The following ADAMTS18 variants were observed in gnomAD, a reference collection of about 807,000 sequenced individuals.
The protein encoded by ADAMTS18 is A disintegrin and metalloproteinase with thrombospondin motifs 18.
In ADAMTS18, 157 loss-of-function variants were observed where a neutral mutation model predicts 165.9. The observed-to-expected ratio is 0.95, with a 90% CI of 0.83 to 1.08. The LOEUF (loss-of-function observed/expected upper bound fraction) is 1.08, where lower values mean the gene tolerates loss of function less well. ADAMTS18 is among the 50% of genes least tolerant of loss of function. ADAMTS18 has a pLI of 0.00. For missense variants in ADAMTS18, 2,040 were observed against 1,534.0 expected, an observed-to-expected ratio of 1.33 and a Z score of -5.51; for synonymous variants, 782 against 578.2, an observed-to-expected ratio of 1.35 and a Z score of -5.06.
intron 16 of ADAMTS18, among the ~76,000 whole-genome samples, chr16:77,312,005 A>C (rs2055790531): frequency 6.6e-6 from 1 of 152,200 alleles, no homozygotes; most frequent in African/African-American, 2.4e-5. Context: ...GTAAATAATT[A>C]TTTTTAAAAA....
At chr16:77,287,931 C>G (rs754310753) in intron 22 of ADAMTS18, among the ~76,000 whole-genome samples, 2 of 152,128 alleles carry the variant, frequency 1.3e-5, no homozygotes, top group African/African-American at 4.8e-5. Flanking sequence ...AAGAATAGGA[C>G]CCAGCTGTAT....
rs550812115 is a variant in ADAMTS18 at position 77,421,585 on chromosome 16, C to T, written c.495+9710G>A. 2.0e-5 allele frequency among the ~76,000 whole-genome samples: 3 copies of T among 152,322 alleles called. No homozygotes were observed. The East Asian group carries it at 5.8e-4, about 29-fold the overall frequency. ...GAACTTTCTAAGGCACTGCCCTAGG[C>T]TCATGGAAAACAAGGATGAAATGAG... On this transcript the variant is annotated intron_variant, in intron 3 of 22. Transcript: ENST00000282849.
chr16:77,322,727 C>T (rs1252542310), intron 13 of ADAMTS18, among the ~76,000 whole-genome samples: 2 of 152,120 alleles, frequency 1.3e-5, no homozygotes, highest in African/African-American at 4.8e-5. Context: ...TACACATGAT[C>T]GATGGGTTAC....
chr16:77,370,129 G>T (rs550876842), intron 3 of ADAMTS18, among the ~76,000 whole-genome samples: 1 of 152,260 alleles, frequency 6.6e-6, no homozygotes, highest in African/African-American at 2.4e-5. Flanking sequence ...ACATCCTACA[G>T]AATGGGGAAA....
intron 16 of ADAMTS18, among the ~76,000 whole-genome samples, chr16:77,301,977 T>C (rs2055592181): frequency 6.6e-6 from 1 of 151,062 alleles, no homozygotes; most frequent in Non-Finnish European, 1.5e-5. Context: ...TAGGAGTCTT[T>C]TATTTTGAAG....
In ADAMTS18 at chr16:77,325,882, G is replaced by T. The variant is rs750366825; in HGVS notation, c.2016C>A (p.Pro672=). The T allele has an allele frequency of 3.7e-6, 6 of 1,613,836 alleles. No individual in the cohort carries two copies. Among genetic ancestry groups the T allele is most frequent in the Non-Finnish European group, 5.1e-6 (6 of 1,179,892 alleles). ...PFRGWFYQWK[P]YTKVEEEDRC... ...CCAAATTACCTTCCACTTTTGTATAGGGTTTCCACTGGTAGAACCATCCAC... is the reference window on the plus strand; with the variant it reads ...CCAAATTACCTTCCACTTTTGTATATGGTTTCCACTGGTAGAACCATCCAC... Residue 672 remains proline, a synonymous_variant, in exon 13 of 23, where the codon CCC becomes CCA. Coordinates refer to ENST00000282849, the MANE Select transcript of ADAMTS18 (RefSeq NM_199355.4).
At chr16:77,309,162 T>C (rs906346687) in intron 16 of ADAMTS18, among the ~76,000 whole-genome samples, 1 of 152,160 alleles carries the variant, frequency 6.6e-6, no homozygotes, top group Non-Finnish European at 1.5e-5. Context: ...TCAGAAACTA[T>C]GTGACTGCTA....
rs763655626 is a variant in ADAMTS18 at position 77,322,481 on chromosome 16, A to C, written c.2033-15T>G. Reference sequence around the variant, plus strand: ...TCGATCTTCCTCTAGAAACAAAGAGATCAAGATAGGAAATGGTCAAGAGGA... The same window carrying C: ...TCGATCTTCCTCTAGAAACAAAGAGCTCAAGATAGGAAATGGTCAAGAGGA... On this transcript the variant is annotated splice_polypyrimidine_tract_variant and intron_variant, in intron 13 of 22. Coordinates refer to ENST00000282849, the MANE Select transcript of ADAMTS18 (RefSeq NM_199355.4). 49 of 1,613,662 alleles carry C rather than the reference A, an allele frequency of 3.0e-5. No individual in the cohort carries two copies. Among genetic ancestry groups the C allele is most frequent in the African/African-American group, 1.3e-5 (1 of 74,908 alleles).
intron 12 of ADAMTS18, among the ~76,000 whole-genome samples, chr16:77,334,503 GTATATTATAGTA>G (rs2144670106): frequency 9.2e-6 from 1 of 108,858 alleles, no homozygotes; most frequent in African/African-American, 3.8e-5. Flanking sequence ...TATATATACT[GTATATTATAGTA>G]TATATTATAT....
intron 3 of ADAMTS18, among the ~76,000 whole-genome samples, chr16:77,392,604 T>A (rs1221169538): frequency 6.6e-6 from 1 of 152,154 alleles, no homozygotes; most frequent in African/African-American, 2.4e-5. Context: ...TCTAAATGCC[T>A]TTGCCTATGG....
chr16:77,332,078 G>A (rs74027613), intron 12 of ADAMTS18, among the ~76,000 whole-genome samples: 5,460 of 152,108 alleles, frequency 0.036, 104 homozygotes, highest in African/African-American at 0.053. Flanking sequence ...AGGTACTATC[G>A]TTATCCCGTT....
At chr16:77,298,641 A>C (rs1052647439) in intron 17 of ADAMTS18, among the ~76,000 whole-genome samples, 2 of 152,154 alleles carry the variant, frequency 1.3e-5, no homozygotes, top group African/African-American at 2.4e-5. Flanking sequence ...AAAAGAAAAA[A>C]ACGGGCCAGG....
intron 3 of ADAMTS18, among the ~76,000 whole-genome samples, chr16:77,392,192 G>A (rs1046795914): frequency 2.0e-5 from 3 of 152,168 alleles, no homozygotes; most frequent in Non-Finnish European, 2.9e-5. Flanking sequence ...CCCTTGGCTG[G>A]CTCCTGTTCA....
At chr16:77,308,063 T>C (rs1567469746) in intron 16 of ADAMTS18, among the ~76,000 whole-genome samples, 1 of 152,180 alleles carries the variant, frequency 6.6e-6, no homozygotes, top group Non-Finnish European at 1.5e-5. Flanking sequence ...CTTACTATCA[T>C]GAGAAAGGCT....
At chr16:77,311,265 A>G (rs1303916213) in intron 16 of ADAMTS18, among the ~76,000 whole-genome samples, 1 of 152,182 alleles carries the variant, frequency 6.6e-6, no homozygotes, top group African/African-American at 2.4e-5. Flanking sequence ...CTTTCTGTGG[A>G]TGGAACAGCA....
chr16:77,376,415 A>G (rs2056953279), intron 3 of ADAMTS18, among the ~76,000 whole-genome samples: 1 of 152,144 alleles, frequency 6.6e-6, no homozygotes, highest in Non-Finnish European at 1.5e-5. Flanking sequence ...AAGCCAAACC[A>G]TATCAGGCCC....
intron 3 of ADAMTS18, among the ~76,000 whole-genome samples, chr16:77,368,243 C>G (rs2056827185): frequency 6.6e-6 from 1 of 152,128 alleles, no homozygotes; most frequent in Non-Finnish European, 1.5e-5. Flanking sequence ...CCAGAGTTCT[C>G]TACTTTCAGA....
chr16:77,415,780 A>G (rs752932816), intron 3 of ADAMTS18, among the ~76,000 whole-genome samples: 2 of 150,736 alleles, frequency 1.3e-5, no homozygotes, highest in African/African-American at 4.9e-5. Flanking sequence ...TCCCCACATA[A>G]AAGACACGCC....
chr16:77,359,031 T>C (rs929273326), intron 8 of ADAMTS18, among the ~76,000 whole-genome samples: 10 of 146,704 alleles, frequency 6.8e-5, no homozygotes, highest in Non-Finnish European at 1.3e-4. Context: ...AGAAGTGTCT[T>C]CATTGCTGCA....
Sources: gnomAD v4.1 joint callset for allele counts (sites outside exome capture counted in the v4.1 genomes callset) on GRCh38, gnomAD v4.1.1 for gene constraint, MANE v1.5 for transcripts, NCBI Gene and HGNC (gene_info 2026-07-23, HGNC 2026-07-21) for gene names.